SUCLG2: variants seen among roughly 807,000 people sequenced by gnomAD.
The protein encoded by SUCLG2 is succinate--CoA ligase [GDP-forming] subunit beta, mitochondrial.
Under a neutral mutation model 47.9 loss-of-function variants are expected in SUCLG2, and 42 were observed. The ratio of observed to expected loss-of-function variants is 0.88; its 90% CI spans 0.69 to 1.14. The LOEUF (loss-of-function observed/expected upper bound fraction) is 1.14. Among genes scored for constraint, SUCLG2 ranks in the 50% most tolerant of loss-of-function variants. The probability of loss-of-function intolerance (pLI) is 0.00; values close to 1 mark genes in which losing one functional copy is unlikely to be tolerated. For missense variants in SUCLG2, 571 were observed against 525.9 expected (o/e 1.09, Z -0.84); for synonymous variants, 195 against 197.3 (o/e 0.99, Z 0.10).
intron 9 of SUCLG2, among the ~76,000 whole-genome samples, chr3:67,465,349 T>C (rs1247467650): frequency 6.6e-6 from 1 of 152,194 alleles, no homozygotes; most frequent in Non-Finnish European, 1.5e-5. Flanking sequence ...TCGCTCACTC[T>C]GCTCTGAAAC....
At chr3:67,362,612 T>C (rs1244668984) in intron 10 of SUCLG2, among the ~76,000 whole-genome samples, 1 of 152,184 alleles carries the variant, frequency 6.6e-6, no homozygotes, top group Non-Finnish European at 1.5e-5. Flanking sequence ...CGCCACTGTA[T>C]CCTAACGCAG....
intron 9 of SUCLG2, among the ~76,000 whole-genome samples, chr3:67,480,182 T>C (rs1344621743): frequency 6.6e-6 from 1 of 152,178 alleles, no homozygotes; most frequent in Non-Finnish European, 1.5e-5. Context: ...CAGGACTTTC[T>C]GTGTTGTCAG....
intron 1 of SUCLG2, among the ~76,000 whole-genome samples, chr3:67,619,085 G>A (rs777764835): frequency 5.9e-5 from 9 of 152,312 alleles, no homozygotes; most frequent in Non-Finnish European, 8.8e-5. Context: ...AGAATTGACA[G>A]TTGAGCTTTC....
At position 67,405,531 on chromosome 3, in the gene SUCLG2, A is replaced by C. The variant is rs547015533; in HGVS notation, c.1063-4680T>G. Among the ~76,000 whole-genome samples the C allele has an allele frequency of 2.0e-5, 3 of 152,274 alleles. No individual in the cohort carries two copies. The South Asian group carries it at 6.2e-4, about 32-fold the overall frequency. On this transcript the variant is annotated intron_variant, in intron 9 of 10. Coordinates refer to ENST00000307227, the MANE Select transcript of SUCLG2 (RefSeq NM_003848.4). ...CACAACATTTTTGGGGGATAATAGTAGTTAAGTCCCATGGCTACCCTGCTC... is the reference window on the plus strand; with the variant it reads ...CACAACATTTTTGGGGGATAATAGTCGTTAAGTCCCATGGCTACCCTGCTC...
intron 2 of SUCLG2, among the ~76,000 whole-genome samples, chr3:67,590,865 A>G (rs1309352073): frequency 6.6e-6 from 1 of 152,146 alleles, no homozygotes; most frequent in Non-Finnish European, 1.5e-5. Context: ...ACATCTTTCC[A>G]GAAGGAAAAG....
intron 1 of SUCLG2, among the ~76,000 whole-genome samples, chr3:67,635,523 T>C (rs948365327): frequency 6.6e-6 from 1 of 152,242 alleles, no homozygotes; most frequent in African/African-American, 2.4e-5. Context: ...AGTTCTTTTT[T>C]ACTTTAGCTG....
At chr3:67,384,363 C>T (rs781646592) in intron 10 of SUCLG2, among the ~76,000 whole-genome samples, 3 of 152,172 alleles carry the variant, frequency 2.0e-5, no homozygotes, top group Non-Finnish European at 2.9e-5. Context: ...CTATAGCTCA[C>T]GGACCAAATC....
intron 9 of SUCLG2, among the ~76,000 whole-genome samples, chr3:67,436,968 T>G (rs972336333): frequency 6.6e-6 from 1 of 152,254 alleles, no homozygotes; most frequent in South Asian, 2.1e-4. Flanking sequence ...ATATTGCCAT[T>G]TTGTAAAATA....
chr3:67,470,922 T>G (rs1704588970), intron 9 of SUCLG2, among the ~76,000 whole-genome samples: 1 of 152,172 alleles, frequency 6.6e-6, no homozygotes, highest in Non-Finnish European at 1.5e-5. Flanking sequence ...AGCTGCTGCT[T>G]TTTAAGCACA....
intron 2 of SUCLG2, among the ~76,000 whole-genome samples, chr3:67,551,056 C>T (rs777545640): frequency 2.0e-5 from 3 of 152,162 alleles, no homozygotes; most frequent in African/African-American, 4.8e-5. Context: ...AATAAGTAAT[C>T]TATTACTGAC....
At chr3:67,586,481 G>A (rs1024230529) in intron 2 of SUCLG2, among the ~76,000 whole-genome samples, 4 of 152,146 alleles carry the variant, frequency 2.6e-5, no homozygotes, top group Non-Finnish European at 5.9e-5. Context: ...AAGTTTTGTA[G>A]CAGAGTCTAA....
At chr3:67,546,533 G>C (rs932671707) in intron 2 of SUCLG2, among the ~76,000 whole-genome samples, 12 of 152,136 alleles carry the variant, frequency 7.9e-5, no homozygotes, top group Admixed American at 7.9e-4. Flanking sequence ...CCAGGAGTTC[G>C]AGACCAGCCT....
At chr3:67,418,409 G>A (rs1430689111) in intron 9 of SUCLG2, among the ~76,000 whole-genome samples, 1 of 152,118 alleles carries the variant, frequency 6.6e-6, no homozygotes, top group East Asian at 1.9e-4. Flanking sequence ...GAAGTAGTTT[G>A]CCAAGATCAG....
rs373400811 is a variant in SUCLG2, at chr3:67,498,235, A to G, written c.818T>C (p.Ile273Thr). Reference sequence around the variant, plus strand: ...CTCTGATTTGTCGTCCATAGCAAATATGTCTTTTTGTCGGAATTCTGCGTT... The same window carrying G: ...CTCTGATTTGTCGTCCATAGCAAATGTGTCTTTTTGTCGGAATTCTGCGTT... ...DDNAEFRQKD[I>T]FAMDDKSENE... The change falls in exon 8 of 11, where the codon ATA becomes ACA. Residue 273 changes from isoleucine to threonine, a missense_variant. Physicochemically the swap from Ile to Thr is moderately conservative, Grantham distance 89. Transcript: ENST00000307227. 9 of 1,613,912 alleles carry G rather than the reference A, an allele frequency of 5.6e-6. No individual in the cohort carries two copies. Among genetic ancestry groups the G allele is most frequent in the Non-Finnish European group, 7.6e-6 (9 of 1,179,866 alleles).
chr3:67,562,234 CT>C lies in SUCLG2; in HGVS notation c.227-33049del, dbSNP rs373195267. On this transcript the variant is annotated intron_variant, in intron 2 of 10. Coordinates refer to ENST00000307227, the MANE Select transcript of SUCLG2 (RefSeq NM_003848.4). The stretch of plus-strand genomic sequence containing the variant: ...ATAGTGGCATTCCTTCATGTTTGCA[CT>C]TTAAATATACCCTAAAAGCCCAAGT... Among the ~76,000 whole-genome samples, 635 of 152,100 alleles carry C rather than the reference CT, an allele frequency of 4.2e-3. 5 individuals are homozygous for C. Among genetic ancestry groups the C allele is most frequent in the Middle Eastern group, 0.01 (3 of 294 alleles).
At chr3:67,479,366 T>C (rs189897047) in intron 9 of SUCLG2, among the ~76,000 whole-genome samples, 2 of 152,220 alleles carry the variant, frequency 1.3e-5, no homozygotes, top group Non-Finnish European at 2.9e-5. Flanking sequence ...TCCTCATACA[T>C]ACCGAGGAAA....
At chr3:67,624,279 A>G (rs1700785174) in intron 1 of SUCLG2, among the ~76,000 whole-genome samples, 1 of 152,208 alleles carries the variant, frequency 6.6e-6, no homozygotes. Flanking sequence ...GAAATGAGCG[A>G]CCTTCGCTGG....
At chr3:67,554,450 G>T (rs1707102946) in intron 2 of SUCLG2, among the ~76,000 whole-genome samples, 1 of 152,044 alleles carries the variant, frequency 6.6e-6, no homozygotes. Flanking sequence ...TGTGTCACTT[G>T]ATTTAGGGAG....
chr3:67,455,131 C>T (rs760191407), intron 9 of SUCLG2, among the ~76,000 whole-genome samples: 18 of 152,108 alleles, frequency 1.2e-4, no homozygotes, highest in Non-Finnish European at 2.4e-4. Context: ...GTCTATTTCA[C>T]ATATTCAGTG....
Sources: allele counts gnomAD v4.1 joint callset (sites outside exome capture counted in the v4.1 genomes callset), GRCh38; gene constraint gnomAD v4.1.1; transcripts MANE v1.5; gene names NCBI Gene and HGNC (gene_info 2026-07-23, HGNC 2026-07-21).